Variants in ASIC2 observed in about 807,000 individuals in gnomAD.
ASIC2 encodes acid sensing ion channel subunit 2.
Under a neutral mutation model 57.3 loss-of-function variants are expected in ASIC2, and 25 were observed. The ratio of observed to expected loss-of-function variants is 0.44; its 90% CI spans 0.32 to 0.61. ASIC2 has a LOEUF of 0.61. Among genes scored for constraint, ASIC2 ranks in the 20% least tolerant of loss-of-function variants. The probability of loss-of-function intolerance (pLI) is 0.06; values close to 1 mark genes in which losing one functional copy is unlikely to be tolerated. For synonymous variants in ASIC2, 319 were observed against 307.5 expected (o/e 1.04, Z -0.39); for missense variants, 641 against 738.1 (o/e 0.87, Z 1.52).
At chr17:33,399,052 CA>C (rs1910185943) in intron 1 of ASIC2, among the ~76,000 whole-genome samples, 1 of 152,102 alleles carries the variant, frequency 6.6e-6, no homozygotes, top group Non-Finnish European at 1.5e-5. Context: ...TCCAGAGAAG[CA>C]GAGAAAAGAA....
At chr17:34,032,270 T>A (rs1366423874) in intron 1 of ASIC2, among the ~76,000 whole-genome samples, 1 of 152,158 alleles carries the variant, frequency 6.6e-6, no homozygotes, top group Non-Finnish European at 1.5e-5. Context: ...CTAAGCTTCA[T>A]AAGTGAAGGA....
At chr17:33,465,790 C>T (rs778789006) in intron 1 of ASIC2, among the ~76,000 whole-genome samples, 7 of 152,200 alleles carry the variant, frequency 4.6e-5, no homozygotes, top group African/African-American at 7.2e-5. Flanking sequence ...CCTAGCCACA[C>T]AGGGAGATTC....
chr17:33,256,362 A>G (rs1909070618), intron 1 of ASIC2, among the ~76,000 whole-genome samples: 1 of 152,242 alleles, frequency 6.6e-6, no homozygotes, highest in African/African-American at 2.4e-5. Flanking sequence ...CAAAGAAAAA[A>G]AAGATATGCT....
chr17:33,954,874 A>AG (rs1029226407), intron 1 of ASIC2: 4 of 152,184 alleles, frequency 2.6e-5, no homozygotes, highest in African/African-American at 9.7e-5. Context: ...GAAGTCTCCA[A>AG]GGGGATATGT....
chr17:33,245,674 C>G (rs1908663870), intron 1 of ASIC2, among the ~76,000 whole-genome samples: 1 of 152,030 alleles, frequency 6.6e-6, no homozygotes, highest in Admixed American at 6.5e-5. Flanking sequence ...CTGGGGTCCT[C>G]TATGTGAGGA....
At chr17:33,891,437 A>G (rs1914957768) in intron 1 of ASIC2, among the ~76,000 whole-genome samples, 1 of 152,182 alleles carries the variant, frequency 6.6e-6, no homozygotes. Flanking sequence ...TCGGCCTACT[A>G]TAAGAAAAGA....
intron 1 of ASIC2, among the ~76,000 whole-genome samples, chr17:33,997,929 AAAAGTTTGAG>A (rs1906213633): frequency 6.6e-6 from 1 of 152,188 alleles, no homozygotes; most frequent in African/African-American, 2.4e-5. Flanking sequence ...AATTTTTTGA[AAAAGTTTGAG>A]AAGAATTGGC....
At chr17:34,074,782 C>CTTTTTTTTTTTTT (rs35010578) in intron 1 of ASIC2, among the ~76,000 whole-genome samples, 22 of 113,938 alleles carry the variant, frequency 1.9e-4, no homozygotes, top group African/African-American at 2.8e-4. Context: ...TTCTTTCTTT[C>CTTTTTTTTTTTTT]TTTTTTTTTT....
At position 33,026,044 on chromosome 17, in the gene ASIC2, C is replaced by T. The variant is rs2091858069; in HGVS notation, c.1139-62G>A. The T allele has an allele frequency of 3.2e-6, 5 of 1,581,058 alleles. No homozygotes were observed. The South Asian group carries it at 5.7e-5, about 18-fold the overall frequency. ...AGGAACATTCATGTCAGCAACACCT[C>T]CTCTGCTTTGGGCTTAGGGAAAGGG... On this transcript the variant is annotated intron_variant, in intron 4 of 9. Transcript: ENST00000225823.
chr17:33,307,795 G>C (rs768824352), intron 1 of ASIC2, among the ~76,000 whole-genome samples: 1 of 151,068 alleles, frequency 6.6e-6, no homozygotes, highest in East Asian at 1.9e-4. Context: ...AATAATACCT[G>C]CCTTGCAGGG....
chr17:33,943,404 A>G (rs1280459454), intron 1 of ASIC2, among the ~76,000 whole-genome samples: 2 of 152,320 alleles, frequency 1.3e-5, no homozygotes, highest in Admixed American at 1.3e-4. Flanking sequence ...ATGAAGAGAG[A>G]ATATGATCAG....
At chr17:33,258,957 G>C (rs1457426642) in intron 1 of ASIC2, among the ~76,000 whole-genome samples, 1 of 152,196 alleles carries the variant, frequency 6.6e-6, no homozygotes, top group Admixed American at 6.5e-5. Context: ...TGGGAAATTA[G>C]ACAAAGAGTA....
chr17:33,967,568 G>A (rs1248773225), intron 1 of ASIC2, among the ~76,000 whole-genome samples: 1 of 152,078 alleles, frequency 6.6e-6, no homozygotes, highest in East Asian at 1.9e-4. Flanking sequence ...TTTGAAGGTG[G>A]CTCAAAAGTC....
intron 1 of ASIC2, among the ~76,000 whole-genome samples, chr17:33,832,419 C>G (rs1175960238): frequency 2.6e-5 from 4 of 152,192 alleles, no homozygotes; most frequent in Non-Finnish European, 4.4e-5. Flanking sequence ...TAAACACAAG[C>G]TTGAGCCTCT....
chr17:33,664,123 G>GAC (rs1240029911), intron 1 of ASIC2, among the ~76,000 whole-genome samples: 13 of 152,108 alleles, frequency 8.5e-5, no homozygotes, highest in Admixed American at 3.3e-4. Flanking sequence ...GCACACTTAC[G>GAC]ACGTCAGCCT....
chr17:33,112,888 C>T (rs1382680881), intron 1 of ASIC2: 2 of 151,986 alleles, frequency 1.3e-5, no homozygotes, highest in African/African-American at 2.4e-5. Context: ...TTAGAGATCC[C>T]TACGCTCTTT....
chr17:33,465,690 T>C (rs1249898732), intron 1 of ASIC2, among the ~76,000 whole-genome samples: 1 of 152,190 alleles, frequency 6.6e-6, no homozygotes, highest in East Asian at 1.9e-4. Flanking sequence ...TGGGCTTTGA[T>C]GATAGGTAAC....
chr17:33,521,545 C>A (rs1418818287), intron 1 of ASIC2, among the ~76,000 whole-genome samples: 4 of 152,208 alleles, frequency 2.6e-5, no homozygotes, highest in Non-Finnish European at 5.9e-5. Flanking sequence ...GTACACAGAG[C>A]AGGGTGCACA....
chr17:33,566,424 C>A lies in ASIC2; in HGVS notation c.556-454357G>T, dbSNP rs116087327. Among the ~76,000 whole-genome samples the A allele has an allele frequency of 5.9e-3, 895 of 152,258 alleles. 9 individuals are homozygous for A. The highest frequency in any genetic ancestry group is 0.019 in the African/African-American group (795 of 41,552). On this transcript the variant is annotated intron_variant, in intron 1 of 9. Transcript: ENST00000359872. The stretch of plus-strand genomic sequence containing the variant: ...AGGAACACCCAGCTCCAGAGAGAAT[C>A]ATCTGGGCTGCCAGCTGTCCATACA...
Sources: gnomAD v4.1 joint callset for allele counts (sites outside exome capture counted in the v4.1 genomes callset) on GRCh38, gnomAD v4.1.1 for gene constraint, MANE v1.5 for transcripts, NCBI Gene and HGNC (gene_info 2026-07-23, HGNC 2026-07-21) for gene names.